The following ASAP2 variants were observed in gnomAD, a reference collection of about 807,000 sequenced individuals.
ASAP2 encodes ArfGAP with SH3 domain, ankyrin repeat and PH domain 2, also known as arf-GAP with SH3 domain, ANK repeat and PH domain-containing protein 2.
Under a neutral mutation model 131.4 loss-of-function variants are expected in ASAP2, and 45 were observed. The ratio of observed to expected loss-of-function variants is 0.34; its 90% CI spans 0.27 to 0.44. ASAP2 has a LOEUF of 0.44. ASAP2 is among the 20% of genes least tolerant of loss of function. The probability of loss-of-function intolerance (pLI) is 1.00; values close to 1 mark genes in which losing one functional copy is unlikely to be tolerated. For synonymous variants in ASAP2, 510 were observed against 503.0 expected (o/e 1.01, Z -0.19); for missense variants, 1,011 against 1,297.0 (o/e 0.78, Z 3.39).
At chr2:9,213,491 A>G (rs1661756370) in intron 1 of ASAP2, among the ~76,000 whole-genome samples, 1 of 152,172 alleles carries the variant, frequency 6.6e-6, no homozygotes, top group Non-Finnish European at 1.5e-5. Context: ...TATCCATTTT[A>G]AAGACTTCAC....
chr2:9,207,880 C>G lies in ASAP2; in HGVS notation c.126+650C>G, dbSNP rs766915191. Among the ~76,000 whole-genome samples the G allele has an allele frequency of 1.3e-5, 2 of 152,198 alleles. No individual in the cohort carries two copies. Among genetic ancestry groups the G allele is most frequent in the Admixed American group, 1.3e-4 (2 of 15,288 alleles). On this transcript the variant is annotated intron_variant, in intron 1 of 27. Transcript: ENST00000281419. The surrounding 1 kb of genome is among the most constrained non-coding windows in gnomAD (Gnocchi z 4.1). ...TACCTGGGTCTCACCTGCTTGAACCCGGAATGCCGCCCTTCCCCCTCAACC... is the reference window on the plus strand; with the variant it reads ...TACCTGGGTCTCACCTGCTTGAACCGGGAATGCCGCCCTTCCCCCTCAACC...
intron 1 of ASAP2, among the ~76,000 whole-genome samples, chr2:9,208,517 G>C (rs1258889684): frequency 6.9e-6 from 1 of 145,394 alleles, no homozygotes; most frequent in Non-Finnish European, 1.5e-5. Context: ...CTTTGTAGCT[G>C]TAAACAGTCA....
At chr2:9,321,231 A>G (rs1052002957) in intron 5 of ASAP2, among the ~76,000 whole-genome samples, 2 of 152,192 alleles carry the variant, frequency 1.3e-5, no homozygotes, top group African/African-American at 2.4e-5. Context: ...AAAATAGCTC[A>G]GGATATCTTT....
Position 9,217,229 on chromosome 2 carries a change from A to G in ASAP2, c.126+9999A>G, listed in dbSNP as rs1219818840. On this transcript the variant is annotated intron_variant, in intron 1 of 27. Transcript: ENST00000281419. This position sits in a 1 kb window ranked among gnomAD's most constrained non-coding sequence, Gnocchi z 4.0. ...AGTGTTAGAAAGTTGCAGCTATTGC[A>G]TTGCTCGAGTGGGTGCTTCTGGCAA... Among the ~76,000 whole-genome samples, 1 of 152,136 alleles carries G rather than the reference A, an allele frequency of 6.6e-6. No homozygotes were observed. The highest frequency in any genetic ancestry group is 1.9e-4 in the East Asian group (1 of 5,184).
chr2:9,208,701 G>C (rs1034418803), intron 1 of ASAP2, among the ~76,000 whole-genome samples: 1 of 152,146 alleles, frequency 6.6e-6, no homozygotes, highest in Admixed American at 6.5e-5. Context: ...GCTTACAGAT[G>C]ATGCCTTCAA....
intron 1 of ASAP2, among the ~76,000 whole-genome samples, chr2:9,252,973 T>TGGTCCTACACC (rs1211499986): frequency 6.6e-6 from 1 of 150,974 alleles, no homozygotes; most frequent in African/African-American, 2.4e-5. Context: ...GCCCAATCAC[T>TGGTCCTACACC]GGTCCTACAC....
At chr2:9,297,261 A>C (rs761004524) in intron 2 of ASAP2, 39 bp from the exon 3 acceptor site, 1 of 1,604,826 alleles carries the variant, frequency 6.2e-7, no homozygotes, top group East Asian at 2.2e-5. Context: ...TGAGGGTGGC[A>C]TGCCTGAGAC....
chr2:9,299,953 C>T (rs1281069564), intron 3 of ASAP2, among the ~76,000 whole-genome samples: 6 of 152,112 alleles, frequency 3.9e-5, no homozygotes, highest in South Asian at 2.1e-4. Flanking sequence ...ATATCTGGCC[C>T]GGCACAGTGG....
chr2:9,258,635 G>A (rs532841356), intron 1 of ASAP2, among the ~76,000 whole-genome samples: 1 of 152,194 alleles, frequency 6.6e-6, no homozygotes, highest in East Asian at 1.9e-4. Context: ...AAACCTTCCC[G>A]GGTCCTGGGG....
At chr2:9,214,420 A>G (rs1164068225) in intron 1 of ASAP2, among the ~76,000 whole-genome samples, 3 of 151,980 alleles carry the variant, frequency 2.0e-5, no homozygotes, top group East Asian at 1.9e-4. Context: ...TTGTATTACT[A>G]GTAGAGATGG....
chr2:9,315,559 G>GCTGCATACTTGGGGCTGC (rs1669605115), intron 3 of ASAP2, among the ~76,000 whole-genome samples: 1 of 152,124 alleles, frequency 6.6e-6, no homozygotes, highest in Non-Finnish European at 1.5e-5. Context: ...AGGAGAGCTG[G>GCTGCATACTTGGGGCTGC]CTGCATACTT....
At chr2:9,396,098 G>A (rs2148813825) in intron 24 of ASAP2, among the ~76,000 whole-genome samples, 1 of 152,222 alleles carries the variant, frequency 6.6e-6, no homozygotes, top group East Asian at 1.9e-4. Context: ...ACTCAGAGCT[G>A]GGGCGAGATT....
At chr2:9,401,601 G>T (rs534052152) in intron 27 of ASAP2, among the ~76,000 whole-genome samples, 1 of 152,282 alleles carries the variant, frequency 6.6e-6, no homozygotes, top group African/African-American at 2.4e-5. Flanking sequence ...CCCCAGGGTG[G>T]CTTCCTCCCC....
chr2:9,238,104 A>G (rs1220591816), intron 1 of ASAP2, among the ~76,000 whole-genome samples: 2 of 152,182 alleles, frequency 1.3e-5, no homozygotes, highest in African/African-American at 4.8e-5. Flanking sequence ...GTTTGAATTT[A>G]GGGTGAGCAC....
intron 1 of ASAP2, among the ~76,000 whole-genome samples, chr2:9,261,759 G>A (rs1006589499): frequency 1.1e-4 from 16 of 152,192 alleles, no homozygotes; most frequent in African/African-American, 3.6e-4. Context: ...GAGAGGCCCC[G>A]CTGGTGGTGT....
chr2:9,250,907 C>G lies in ASAP2; in HGVS notation c.127-28410C>G, dbSNP rs183907827. On this transcript the variant is annotated intron_variant, in intron 1 of 27. Coordinates refer to ENST00000281419, the MANE Select transcript of ASAP2 (RefSeq NM_003887.3). ...ATAGACAAGACTCGGGGCTTGCTCC[C>G]GGGGAACTTAAAACAGTGAACTATG... Among the ~76,000 whole-genome samples the G allele has an allele frequency of 8.4e-4, 128 of 152,288 alleles. 1 individual carries two copies. In the Middle Eastern group the frequency reaches 0.024, roughly 28 times the overall value.
chr2:9,273,797 A>G (rs1436508124), intron 1 of ASAP2, among the ~76,000 whole-genome samples: 1 of 152,226 alleles, frequency 6.6e-6, no homozygotes, highest in Non-Finnish European at 1.5e-5. Context: ...AAATATCTCA[A>G]GTGCTGATAT....
chr2:9,367,014 C>T lies in ASAP2; in HGVS notation c.1462-1411C>T, dbSNP rs538808061. ...TCTCCCAAAGCATGTTTGTTAACTC[C>T]TTTGCCTGCATAATTTTTTTTTTTT... is the stretch of plus-strand genomic sequence containing the variant. On this transcript the variant is annotated intron_variant, in intron 15 of 27. Coordinates refer to ENST00000281419, the MANE Select transcript of ASAP2 (RefSeq NM_003887.3). 2.0e-5 allele frequency among the ~76,000 whole-genome samples: 3 copies of T among 148,516 alleles called. No individual in the cohort carries two copies. In the East Asian group the frequency reaches 5.9e-4, roughly 29 times the overall value.
intron 7 of ASAP2, among the ~76,000 whole-genome samples, chr2:9,334,231 T>C (rs1671044655): frequency 7.0e-6 from 1 of 142,412 alleles, no homozygotes. Flanking sequence ...TTTAATAGAG[T>C]ATTTTTAGGG....
Sources: allele counts gnomAD v4.1 joint callset (sites outside exome capture counted in the v4.1 genomes callset), GRCh38; gene constraint gnomAD v4.1.1; non-coding constraint Gnocchi (gnomAD v3.1); transcripts MANE v1.5; gene names NCBI Gene and HGNC (gene_info 2026-07-23, HGNC 2026-07-21).